Variants in TSPAN9 observed in about 807,000 individuals in gnomAD.
TSPAN9 encodes tetraspanin-9.
In TSPAN9, 16 loss-of-function variants were observed where a neutral mutation model predicts 31.0. That is an observed-to-expected ratio of 0.52 (90% CI 0.35 to 0.78). The LOEUF is 0.78. Ranked by LOEUF, TSPAN9 falls within the 30% of genes least tolerant of loss-of-function variation. The pLI is 0.01. For missense variants in TSPAN9, 272 were observed against 312.5 expected (o/e 0.87, Z 0.98); for synonymous variants, 145 against 121.6 (o/e 1.19, Z -1.27).
At chr12:3,201,933 C>T (rs917706642) in intron 3 of TSPAN9, among the ~76,000 whole-genome samples, 2 of 152,106 alleles carry the variant, frequency 1.3e-5, no homozygotes, top group African/African-American at 4.8e-5. Flanking sequence ...TGCAGTGGAC[C>T]GGGCAGGGAG....
At chr12:3,251,915 G>T (rs1171429357) in intron 3 of TSPAN9, among the ~76,000 whole-genome samples, 1 of 152,208 alleles carries the variant, frequency 6.6e-6, no homozygotes, top group Non-Finnish European at 1.5e-5. Context: ...GACAGCCCCT[G>T]CCTGAAGCAG....
chr12:3,091,251 G>A (rs556893610), intron 2 of TSPAN9, among the ~76,000 whole-genome samples: 2 of 152,192 alleles, frequency 1.3e-5, no homozygotes, highest in Non-Finnish European at 2.9e-5. Context: ...TCATAACCTC[G>A]GATATGAAAT....
chr12:3,249,859 C>G (rs74580910), intron 3 of TSPAN9, among the ~76,000 whole-genome samples: 3,495 of 152,324 alleles, frequency 0.023, 54 homozygotes, highest in Middle Eastern at 0.048. Flanking sequence ...TTTCCTCCTG[C>G]AATGCTGCAC....
chr12:3,223,145 C>T lies in TSPAN9; in HGVS notation c.63+21889C>T, dbSNP rs184555989. Among the ~76,000 whole-genome samples, 386 of 152,310 alleles carry T rather than the reference C, an allele frequency of 2.5e-3. 3 individuals are homozygous for T. The highest frequency in any genetic ancestry group is 2.5e-3 in the Non-Finnish European group (171 of 68,026). Reference sequence around the variant, plus strand: ...GCGGTTTTGCTTACAAATTAGAAGCCGCTATTGTGCTAGGTCGGCTTTAAA... The same window carrying T: ...GCGGTTTTGCTTACAAATTAGAAGCTGCTATTGTGCTAGGTCGGCTTTAAA... On this transcript the variant is annotated intron_variant, in intron 3 of 8. Coordinates refer to ENST00000011898, the MANE Select transcript of TSPAN9 (RefSeq NM_006675.5).
chr12:3,105,752 A>ACACACG (rs1565577236), intron 2 of TSPAN9, among the ~76,000 whole-genome samples: 5 of 67,260 alleles, frequency 7.4e-5, no homozygotes, highest in Non-Finnish European at 1.7e-4. Context: ...ACACACTCAC[A>ACACACG]CACACGCACA....
At position 3,187,244 on chromosome 12, in the gene TSPAN9, G is replaced by A. The variant is rs544192385; in HGVS notation, c.-17-13933G>A. ...GAGGGTGATGAAGGTTGGGGTTGGC[G>A]GGGCAGTGGTGTGTTTTCCAGGATT... On this transcript the variant is annotated intron_variant, in intron 2 of 8. Transcript: ENST00000011898. The surrounding 1 kb of genome is among the most constrained non-coding windows in gnomAD (Gnocchi z 5.2). Among the ~76,000 whole-genome samples the A allele has an allele frequency of 7.9e-5, 12 of 152,300 alleles. No homozygotes were observed. The highest frequency in any genetic ancestry group is 7.2e-4 in the Admixed American group (11 of 15,298).
intron 8 of TSPAN9, among the ~76,000 whole-genome samples, chr12:3,282,535 A>T (rs1224738844): frequency 6.6e-6 from 1 of 152,232 alleles, no homozygotes; most frequent in Non-Finnish European, 1.5e-5. Context: ...CTGGGACTAC[A>T]GGCATATACA....
intron 2 of TSPAN9, among the ~76,000 whole-genome samples, chr12:3,165,993 G>A (rs2098348216): frequency 6.6e-6 from 1 of 152,158 alleles, no homozygotes. Context: ...GTCTAACAGG[G>A]CCATGGAGGG....
At chr12:3,093,192 G>A (rs1011234118) in intron 2 of TSPAN9, among the ~76,000 whole-genome samples, 2 of 152,228 alleles carry the variant, frequency 1.3e-5, no homozygotes, top group African/African-American at 4.8e-5. Context: ...CCCCAGTTCT[G>A]GGAGATGGGA....
In TSPAN9 at chr12:3,105,760, A is replaced by ACG. The variant is rs1565577254; in HGVS notation, c.-18+22042_-18+22043insGC. On this transcript the variant is annotated intron_variant, in intron 2 of 8. Coordinates refer to ENST00000011898, the MANE Select transcript of TSPAN9 (RefSeq NM_006675.5). ...TGCACACACACACTCACACACACGC[A>ACG]CACACGCGCACGCACACACGCTCAT... Among the ~76,000 whole-genome samples the ACG allele has an allele frequency of 8.4e-5, 5 of 59,686 alleles. No individual in the cohort carries two copies. In the East Asian group the frequency reaches 1.9e-3, roughly 23 times the overall value. 39.2% of individuals were successfully genotyped at this position (59,686 alleles called of 152,430 possible).
At chr12:3,165,863 G>A (rs556714555) in intron 2 of TSPAN9, among the ~76,000 whole-genome samples, 42 of 152,314 alleles carry the variant, frequency 2.8e-4, no homozygotes, top group African/African-American at 1.0e-3. Flanking sequence ...AGTCTCATAA[G>A]TAATCTGTGT....
Position 3,226,684 on chromosome 12 carries a change from G to A in TSPAN9, c.63+25428G>A, listed in dbSNP as rs370627917. On this transcript the variant is annotated intron_variant, in intron 3 of 8. Coordinates refer to ENST00000011898, the MANE Select transcript of TSPAN9 (RefSeq NM_006675.5). ...TGTGTGTGTGTGTGTGTGTGTGTGT[G>A]TGTGTGTGTGTGTGTGTGTGTGTAT... is the stretch of plus-strand genomic sequence containing the variant. Among the ~76,000 whole-genome samples the A allele has an allele frequency of 6.3e-3, 179 of 28,504 alleles. 9 individuals carry two copies. The highest frequency in any genetic ancestry group is 0.022 in the African/African-American group (147 of 6,820). The allele number at this position is 28,504 out of a possible 152,430, so 18.7% of individuals were successfully genotyped here.
chr12:3,133,424 G>A (rs1203741249), intron 2 of TSPAN9, among the ~76,000 whole-genome samples: 1 of 151,926 alleles, frequency 6.6e-6, no homozygotes, highest in Non-Finnish European at 1.5e-5. Flanking sequence ...TAACATAAAA[G>A]TATCAGTAAA....
intron 2 of TSPAN9, among the ~76,000 whole-genome samples, chr12:3,123,910 G>A (rs1591638055): frequency 1.3e-5 from 2 of 152,322 alleles, no homozygotes; most frequent in East Asian, 1.9e-4. Flanking sequence ...GATGAAGGAT[G>A]AGAGGTTTAA....
chr12:3,230,436 G>A (rs374164259), intron 3 of TSPAN9, among the ~76,000 whole-genome samples: 1 of 151,994 alleles, frequency 6.6e-6, no homozygotes, highest in African/African-American at 2.4e-5. Flanking sequence ...TTCCCTGCCT[G>A]CCTTCACCCC....
At chr12:3,239,973 G>C (rs955063041) in intron 3 of TSPAN9, among the ~76,000 whole-genome samples, 1 of 152,070 alleles carries the variant, frequency 6.6e-6, no homozygotes, top group Non-Finnish European at 1.5e-5. Flanking sequence ...TGACAAAGAA[G>C]GGCCAGGTGT....
chr12:3,282,089 C>T (rs1862906532), intron 8 of TSPAN9: 3 of 646,594 alleles, frequency 4.6e-6, no homozygotes, highest in Non-Finnish European at 8.5e-6. Flanking sequence ...CGTGGGTTCC[C>T]CCAGTTCTGC....
intron 2 of TSPAN9, among the ~76,000 whole-genome samples, chr12:3,193,378 G>A (rs959812659): frequency 6.6e-6 from 1 of 152,208 alleles, no homozygotes. Flanking sequence ...CACATTTTCA[G>A]TACTCCTGGC....
intron 2 of TSPAN9, among the ~76,000 whole-genome samples, chr12:3,139,290 G>A (rs2098333614): frequency 6.6e-6 from 1 of 152,184 alleles, no homozygotes; most frequent in Non-Finnish European, 1.5e-5. Flanking sequence ...TTGGTGAGCT[G>A]TGGTTTTCAG....
Sources: allele counts gnomAD v4.1 joint callset (sites outside exome capture counted in the v4.1 genomes callset), GRCh38; gene constraint gnomAD v4.1.1; non-coding constraint Gnocchi (gnomAD v3.1); transcripts MANE v1.5; gene names NCBI Gene and HGNC (gene_info 2026-07-23, HGNC 2026-07-21).